Variants in MRE11 observed in about 807,000 individuals in gnomAD.
The protein encoded by MRE11 is MRE11 double strand break repair nuclease.
A neutral mutation model predicts 91.7 loss-of-function variants in MRE11; 62 were observed. The ratio of observed to expected loss-of-function variants is 0.68; its 90% CI spans 0.55 to 0.84. The LOEUF (loss-of-function observed/expected upper bound fraction) is 0.84, where lower values mean the gene tolerates loss of function less well. Among genes scored for constraint, MRE11 ranks in the 40% least tolerant of loss-of-function variants. The pLI is 0.00. For missense variants in MRE11, 796 were observed against 852.9 expected (o/e 0.93, Z 0.83); for synonymous variants, 273 against 271.4 (o/e 1.01, Z -0.06).
intron 11 of MRE11, among the ~76,000 whole-genome samples, chr11:94,461,252 G>A (rs1351586796): frequency 6.6e-6 from 1 of 152,158 alleles, no homozygotes; most frequent in African/African-American, 2.4e-5. Flanking sequence ...CAGGATAGGT[G>A]TCTTGTAGCT....
intron 2 of MRE11, among the ~76,000 whole-genome samples, chr11:94,492,181 C>A (rs1243090422): frequency 2.6e-5 from 4 of 151,986 alleles, no homozygotes; most frequent in Non-Finnish European, 4.4e-5. Context: ...CTCCGCCTCT[C>A]GGGTTCAAAT....
intron 16 of MRE11, among the ~76,000 whole-genome samples, chr11:94,440,662 C>T (rs1945756027): frequency 6.6e-6 from 1 of 152,214 alleles, no homozygotes; most frequent in Non-Finnish European, 1.5e-5. Flanking sequence ...CATTTCCCTT[C>T]CTAAGGTGGA....
At chr11:94,431,629 G>A (rs1945464153) in intron 18 of MRE11, among the ~76,000 whole-genome samples, 1 of 152,210 alleles carries the variant, frequency 6.6e-6, no homozygotes, top group Non-Finnish European at 1.5e-5. Flanking sequence ...TGTATGACTA[G>A]TTGGGTGACC....
upstream of MRE11, chr11:94,497,978 C>T: frequency 3.2e-6 from 3 of 945,886 alleles, no homozygotes; most frequent in Non-Finnish European, 4.6e-6. Context: ...AGTTTTTATT[C>T]AACTTAATTA....
chr11:94,474,253 G>C (rs1450719497), intron 7 of MRE11, among the ~76,000 whole-genome samples: 2 of 152,034 alleles, frequency 1.3e-5, no homozygotes, highest in Non-Finnish European at 2.9e-5. Context: ...GCCATTACAA[G>C]AGCCAAGAGC....
chr11:94,488,356 G>A (rs988856972), intron 3 of MRE11, among the ~76,000 whole-genome samples: 1 of 152,142 alleles, frequency 6.6e-6, no homozygotes, highest in Non-Finnish European at 1.5e-5. Context: ...CTGTTGATGG[G>A]GGTGTAAACT....
rs540037727 is a variant in MRE11 at position 94,483,871 on chromosome 11, TAAA to T, written c.314+2050_314+2052del. 1.1e-4 allele frequency: 16 copies of T among 152,050 alleles called. No homozygotes were observed. The East Asian group carries it at 3.1e-3, about 29-fold the overall frequency. 9.4% of individuals were successfully genotyped at this position (152,050 alleles called of 1,614,324 possible). ...AGCAAAAATTAAATAAATAAATAAA[TAAA>T]TAAATAAACATGAGTATGTCTATTC... On this transcript the variant is annotated intron_variant, in intron 4 of 19. Transcript: ENST00000323929.
chr11:94,456,903 T>C (rs759654144), intron 13 of MRE11, among the ~76,000 whole-genome samples: 3 of 152,216 alleles, frequency 2.0e-5, no homozygotes, highest in Non-Finnish European at 4.4e-5. Flanking sequence ...TACAGCTATG[T>C]ATATGTTCTT....
At chr11:94,476,243 G>T in intron 7 of MRE11, 46 bp downstream of exon 7, 1 of 1,227,102 alleles carries the variant, frequency 8.1e-7, no homozygotes, top group Non-Finnish European at 1.2e-6. Flanking sequence ...AACAGATTTG[G>T]GAAGCCTCAG....
chr11:94,464,855 T>G (rs1946519192), intron 10 of MRE11, among the ~76,000 whole-genome samples: 1 of 152,146 alleles, frequency 6.6e-6, no homozygotes, highest in Non-Finnish European at 1.5e-5. Flanking sequence ...TTCTCAGAGA[T>G]ATGTTCTTCT....
intron 12 of MRE11, among the ~76,000 whole-genome samples, 171 bp from the exon 13 acceptor site, chr11:94,459,752 G>GT (rs1183778736): frequency 2.6e-5 from 4 of 152,172 alleles, no homozygotes; most frequent in African/African-American, 4.8e-5. Flanking sequence ...AACCAGAAAT[G>GT]GGGGAGGAGT....
chr11:94,420,751 G>A (rs374424309), intron 19 of MRE11, among the ~76,000 whole-genome samples: 1 of 151,858 alleles, frequency 6.6e-6, no homozygotes, highest in Admixed American at 6.6e-5. Flanking sequence ...TTCCCATGCT[G>A]GCCGGGCGCG....
In MRE11 at chr11:94,418,446, G is replaced by A. The variant is rs1458027353; in HGVS notation, c.*1679C>T. On this transcript the variant is annotated 3_prime_UTR_variant, in exon 20 of 20. Coordinates refer to ENST00000323929, the MANE Select transcript of MRE11 (RefSeq NM_005591.4). ...CCTAGGAACTTGTCAGGATACTTTA[G>A]TGACCATTCCCTCACTATAACTCTC... 1 of 231,254 alleles carries A rather than the reference G, an allele frequency of 4.3e-6. No individual in the cohort carries two copies. Among genetic ancestry groups the A allele is most frequent in the East Asian group, 6.1e-5 (1 of 16,396 alleles). The allele number at this position is 231,254 out of a possible 1,614,324, so 14.3% of individuals were successfully genotyped here.
At chr11:94,501,649 T>C in the MRE11 span, among the ~76,000 whole-genome samples, 1 of 151,942 alleles carries the variant, frequency 6.6e-6, no homozygotes, top group African/African-American at 2.4e-5. Context: ...CAGATCTACA[T>C]GCCTGAAATC....
In MRE11 at chr11:94,487,018, CAGAATGAACACTAT is replaced by C. The variant is rs1947159253; in HGVS notation, c.154-948_154-935del. Among the ~76,000 whole-genome samples, 4 of 152,208 alleles carry C rather than the reference CAGAATGAACACTAT, an allele frequency of 2.6e-5. No individual in the cohort carries two copies. In the South Asian group the frequency reaches 8.3e-4, roughly 32 times the overall value. Reference sequence around the variant, plus strand: ...AATGTGAGGTTTAAGCTAGGCCTTCCAGAATGAACACTATTTGAGTAAAAGGAAGAAAATGATCT... The same window carrying C: ...AATGTGAGGTTTAAGCTAGGCCTTCCTTGAGTAAAAGGAAGAAAATGATCT... On this transcript the variant is annotated intron_variant, in intron 3 of 19. Transcript: ENST00000323929.
At chr11:94,470,729 CT>C in intron 8 of MRE11, 87 bp from the exon 9 acceptor site, 6 of 1,317,708 alleles carry the variant, frequency 4.6e-6, no homozygotes, top group Non-Finnish European at 6.5e-6. Context: ...TTCTTAGTTT[CT>C]AAAAATGCTT....
chr11:94,456,291 A>T lies in MRE11; in HGVS notation c.1548T>A (p.Asp516Glu). 2.5e-6 allele frequency: 4 copies of T among 1,613,638 alleles called. No individual in the cohort carries two copies. The highest frequency in any genetic ancestry group is 3.4e-6 in the Non-Finnish European group (4 of 1,179,830). ...ETRQKNTNEE[D>E]DEVREAMTRA... ...GAATAATTACCTCACGGACTTCATC[A>T]TCTTCTTCATTAGTATTTTTTTGTC... The change falls in exon 14 of 20, where the codon GAT becomes GAA. Residue 516 changes from aspartate to glutamate, a missense_variant. Coordinates refer to ENST00000323929, the MANE Select transcript of MRE11 (RefSeq NM_005591.4).
intron 3 of MRE11, among the ~76,000 whole-genome samples, chr11:94,488,476 T>C (rs1380277304): frequency 6.6e-6 from 1 of 152,162 alleles, no homozygotes; most frequent in Non-Finnish European, 1.5e-5. Flanking sequence ...GGAATATAAA[T>C]CATTCTACCA....
At chr11:94,461,065 A>T in intron 11 of MRE11, 29 bp from the exon 12 acceptor site, 1 of 1,559,968 alleles carries the variant, frequency 6.4e-7, no homozygotes, top group Non-Finnish European at 8.8e-7. Flanking sequence ...ATCAAAAAAT[A>T]GCTTCTATCA....
Sources: gnomAD v4.1 joint callset for allele counts (sites outside exome capture counted in the v4.1 genomes callset) on GRCh38, gnomAD v4.1.1 for gene constraint, MANE v1.5 for transcripts, NCBI Gene and HGNC (gene_info 2026-07-23, HGNC 2026-07-21) for gene names.